Variants in IFT140 observed in about 807,000 individuals in gnomAD.
IFT140 encodes the protein intraflagellar transport 140, also known as intraflagellar transport protein 140 homolog.
IFT140 carries 133 observed loss-of-function variants against 164.6 expected under a neutral mutation model. That is an observed-to-expected ratio of 0.81 (90% CI 0.70 to 0.93). The LOEUF is 0.93. Among genes scored for constraint, IFT140 ranks in the 40% least tolerant of loss-of-function variants. The pLI, the probability that IFT140 is intolerant of heterozygous loss-of-function variation, is 0.00. For missense variants in IFT140, 2,045 were observed against 1,972.3 expected, an observed-to-expected ratio of 1.04 and a Z score of -0.70; for synonymous variants, 860 against 817.3, an observed-to-expected ratio of 1.05 and a Z score of -0.89.
At chr16:1,524,194 T>C in intron 24 of IFT140, 2 of 629,952 alleles carry the variant, frequency 3.2e-6, no homozygotes, top group South Asian at 2.0e-5. Context: ...CGGGAGATGC[T>C]TCTGGAAGCG....
At chr16:1,605,430 G>C (rs1299650293) in intron 3 of IFT140, among the ~76,000 whole-genome samples, 2 of 152,200 alleles carry the variant, frequency 1.3e-5, no homozygotes, top group South Asian at 2.1e-4. Context: ...TTTTGAGATG[G>C]AGTCTCACTC....
intron 13 of IFT140, chr16:1,576,915 T>C (rs1359302179): frequency 6.6e-6 from 1 of 152,236 alleles, no homozygotes; most frequent in East Asian, 1.9e-4. Flanking sequence ...CTGTTGCCAC[T>C]GTGCTCAGTT....
chr16:1,579,357 C>T (rs2034436499), intron 13 of IFT140: 1 of 151,996 alleles, frequency 6.6e-6, no homozygotes, highest in African/African-American at 2.4e-5. Context: ...CAGTTCAGAC[C>T]TTGTGGTTCA....
chr16:1,596,500 T>C (rs1301610442), intron 4 of IFT140, among the ~76,000 whole-genome samples: 9 of 152,160 alleles, frequency 5.9e-5, no homozygotes, highest in Non-Finnish European at 1.2e-4. Context: ...GCTGCTGCTC[T>C]GGGGGAAGAG....
chr16:1,555,124 A>G, intron 19 of IFT140: 6 of 1,469,038 alleles, frequency 4.1e-6, no homozygotes, highest in Non-Finnish European at 4.5e-6. Flanking sequence ...CTGCTCGTGC[A>G]GAGGCACGGG....
intron 20 of IFT140, 152 bp from the exon 21 acceptor site, chr16:1,526,229 A>C (rs886278892): frequency 2.8e-6 from 2 of 723,874 alleles, no homozygotes; most frequent in South Asian, 1.8e-5. Flanking sequence ...AACGCCACAC[A>C]CCCACGGGGC....
Position 1,569,066 on chromosome 16 carries a change from G to A in IFT140, c.1653-732C>T, listed in dbSNP as rs528885803. ...GTTGCCCAGGCTGGAGTGCAGTGGC[G>A]CCATCTCGGCTCACTGCAAGCTCCG... On this transcript the variant is annotated intron_variant, in intron 14 of 30. Coordinates refer to ENST00000426508, the MANE Select transcript of IFT140 (RefSeq NM_014714.4). Among the ~76,000 whole-genome samples the A allele has an allele frequency of 5.1e-3, 761 of 149,218 alleles. 7 individuals are homozygous for A. The highest frequency in any genetic ancestry group is 0.018 in the African/African-American group (728 of 40,412).
chr16:1,584,422 T>C lies in IFT140; in HGVS notation c.1156-2A>G, dbSNP rs745797704. ...CAGCAGGTTCTTCCTGGAACCCCAC[T>C]TCATTTCCAGGTTGCAAGAGAAAGA... On this transcript the variant is annotated splice_acceptor_variant, in intron 10 of 30. Transcript: ENST00000426508. LOFTEE classifies it high-confidence loss of function. 1.2e-6 allele frequency: 2 copies of C among 1,600,516 alleles called. No individual in the cohort carries two copies. Among genetic ancestry groups the C allele is most frequent in the Non-Finnish European group, 1.7e-6 (2 of 1,174,564 alleles).
intron 10 of IFT140, among the ~76,000 whole-genome samples, chr16:1,585,722 T>C (rs1240127229): frequency 6.6e-6 from 1 of 151,670 alleles, no homozygotes; most frequent in African/African-American, 2.4e-5. Flanking sequence ...TTAAGTTGAA[T>C]AACTGATAAA....
chr16:1,521,640 C>T (rs1174772119), intron 26 of IFT140, among the ~76,000 whole-genome samples: 2 of 151,828 alleles, frequency 1.3e-5, no homozygotes, highest in African/African-American at 4.8e-5. Context: ...GATCCACCCA[C>T]CTCGGCCTCC....
chr16:1,510,777 TCACACCCTCCGCCGGCCCGGGC>T lies in IFT140; in HGVS notation c.*145_*166del. ...TGGGACAGAGCAAGGTGCAGACGGGTCACACCCTCCGCCGGCCCGGGCCGCTGCGTTCTCGCCCAGCTCTGTC... is the reference window on the plus strand; with the variant it reads ...TGGGACAGAGCAAGGTGCAGACGGGTCGCTGCGTTCTCGCCCAGCTCTGTC... On this transcript the variant is annotated 3_prime_UTR_variant, in exon 31 of 31. Coordinates refer to ENST00000426508, the MANE Select transcript of IFT140 (RefSeq NM_014714.4). 1 of 675,408 alleles carries T rather than the reference TCACACCCTCCGCCGGCCCGGGC, an allele frequency of 1.5e-6. No individual in the cohort carries two copies. Among genetic ancestry groups the T allele is most frequent in the African/African-American group, 1.8e-5 (1 of 56,300 alleles). 41.8% of individuals were successfully genotyped at this position (675,408 alleles called of 1,614,324 possible).
chr16:1,584,440 G>A lies in IFT140; in HGVS notation c.1156-20C>T. On this transcript the variant is annotated intron_variant, in intron 10 of 30. Transcript: ENST00000426508. Reference sequence around the variant, plus strand: ...ACCCCACTTCATTTCCAGGTTGCAAGAGAAAGAACCAGATGTGTGAACAGA... The same window carrying A: ...ACCCCACTTCATTTCCAGGTTGCAAAAGAAAGAACCAGATGTGTGAACAGA... 2.5e-6 allele frequency: 4 copies of A among 1,579,362 alleles called. No homozygotes were observed. Among genetic ancestry groups the A allele is most frequent in the Non-Finnish European group, 3.4e-6 (4 of 1,163,638 alleles).
chr16:1,513,495 C>G (rs760758716), intron 30 of IFT140, among the ~76,000 whole-genome samples: 1 of 151,706 alleles, frequency 6.6e-6, no homozygotes, highest in Non-Finnish European at 1.5e-5. Context: ...GCAAGACTGT[C>G]TCAGAAAAGA....
At chr16:1,542,756 C>T (rs558044292) in intron 19 of IFT140, among the ~76,000 whole-genome samples, 3 of 152,362 alleles carry the variant, frequency 2.0e-5, no homozygotes, top group South Asian at 4.1e-4. Context: ...AGGACCATCA[C>T]GAGGCCCTGG....
In IFT140 at chr16:1,551,769, G is replaced by A. The variant is rs183921298; in HGVS notation, c.2399+6166C>T. ...ACAAAGGAGGCCACACCACACGTGC[G>A]TGGTCCGGCAGATCCGGCAAGATCA... On this transcript the variant is annotated intron_variant, in intron 19 of 30. Transcript: ENST00000426508. The surrounding 1 kb of genome is among the most constrained non-coding windows in gnomAD (Gnocchi z 4.0). Among the ~76,000 whole-genome samples, 175 of 152,306 alleles carry A rather than the reference G, an allele frequency of 1.1e-3. 1 individual carries two copies. The highest frequency in any genetic ancestry group is 4.1e-3 in the African/African-American group (171 of 41,560).
chr16:1,562,685 T>G (rs1352080215), intron 17 of IFT140, among the ~76,000 whole-genome samples: 2 of 151,974 alleles, frequency 1.3e-5, no homozygotes, highest in Non-Finnish European at 2.9e-5. Context: ...GGCAGGAGGA[T>G]CGCTTGAACC....
chr16:1,517,453 A>G (rs1170514087), intron 30 of IFT140, among the ~76,000 whole-genome samples: 2 of 107,320 alleles, frequency 1.9e-5, no homozygotes, highest in Non-Finnish European at 3.7e-5. Flanking sequence ...TAAGCACATG[A>G]GAAGGAGCTG....
At chr16:1,539,748 C>A (rs2031447575) in intron 19 of IFT140, among the ~76,000 whole-genome samples, 1 of 152,196 alleles carries the variant, frequency 6.6e-6, no homozygotes, top group Non-Finnish European at 1.5e-5. Context: ...TTCCCATGGC[C>A]CTGTCAGTGG....
intron 17 of IFT140, among the ~76,000 whole-genome samples, chr16:1,563,236 C>A (rs1194920746): frequency 6.6e-6 from 1 of 152,012 alleles, no homozygotes; most frequent in Non-Finnish European, 1.5e-5. Context: ...CCGCTCAGCG[C>A]CTGAGAACCA....
Sources: gnomAD v4.1 joint callset for allele counts (sites outside exome capture counted in the v4.1 genomes callset) on GRCh38, gnomAD v4.1.1 for gene constraint, Gnocchi (gnomAD v3.1) non-coding constraint, MANE v1.5 for transcripts, NCBI Gene and HGNC (gene_info 2026-07-23, HGNC 2026-07-21) for gene names.